The following CHL1 variants were observed in gnomAD, a reference collection of about 807,000 sequenced individuals.
The protein encoded by CHL1 is neural cell adhesion molecule L1-like protein.
In CHL1, 96 loss-of-function variants were observed where a neutral mutation model predicts 141.9. That is an observed-to-expected ratio of 0.68 (90% CI 0.57 to 0.80). The LOEUF is 0.80. Among genes scored for constraint, CHL1 ranks in the 30% least tolerant of loss-of-function variants. The pLI, the probability that CHL1 is intolerant of heterozygous loss-of-function variation, is 0.00. For missense variants in CHL1, 1,820 were observed against 1,457.2 expected (o/e 1.25, Z -4.05); for synonymous variants, 613 against 502.2 (o/e 1.22, Z -2.95).
At chr3:298,072 C>G (rs146587366) in intron 2 of CHL1, among the ~76,000 whole-genome samples, 177 of 152,248 alleles carry the variant, frequency 1.2e-3, no homozygotes, top group African/African-American at 4.1e-3. Context: ...GTATATACAA[C>G]CAGTCTTTTC....
At chr3:287,421 C>G (rs1418056243) in intron 2 of CHL1, among the ~76,000 whole-genome samples, 3 of 152,152 alleles carry the variant, frequency 2.0e-5, no homozygotes, top group Non-Finnish European at 4.4e-5. Flanking sequence ...ATTGTCTTTT[C>G]ACCTGCTCTT....
At chr3:221,003 C>G (rs573211571) in intron 1 of CHL1, among the ~76,000 whole-genome samples, 61 of 152,198 alleles carry the variant, frequency 4.0e-4, no homozygotes, top group Non-Finnish European at 7.6e-4. Flanking sequence ...AAGACACTCC[C>G]TTCTATCGAT....
At chr3:278,219 G>T (rs9310787) in intron 2 of CHL1, among the ~76,000 whole-genome samples, 20 of 152,344 alleles carry the variant, frequency 1.3e-4, no homozygotes, top group African/African-American at 4.8e-4. Context: ...TTTGCTTGCT[G>T]TCTGTGTATT....
chr3:205,925 T>A (rs1207422823), intron 1 of CHL1, among the ~76,000 whole-genome samples: 2 of 152,204 alleles, frequency 1.3e-5, no homozygotes, highest in Non-Finnish European at 2.9e-5. Flanking sequence ...ACACAATATG[T>A]CTTGCAGTAC....
chr3:198,274 G>C (rs1575584524), intron 1 of CHL1, among the ~76,000 whole-genome samples: 1 of 152,142 alleles, frequency 6.6e-6, no homozygotes, highest in African/African-American at 2.4e-5. Flanking sequence ...GGGCGCCGGC[G>C]TCCAGTCCCG....
At chr3:302,304 C>T (rs1698824972) in intron 2 of CHL1, among the ~76,000 whole-genome samples, 1 of 152,150 alleles carries the variant, frequency 6.6e-6, no homozygotes, top group African/African-American at 2.4e-5. Flanking sequence ...AGTTCTGCAT[C>T]CTTAAGGAAT....
At chr3:312,235 C>T (rs41408847) in intron 2 of CHL1, among the ~76,000 whole-genome samples, 14,166 of 152,168 alleles carry the variant, frequency 0.093, 951 homozygotes, top group East Asian at 0.33. Context: ...ATAATAACAT[C>T]GACATTCCTT....
Position 398,377 on chromosome 3 carries a change from G to A in CHL1, c.3245G>A (p.Arg1082Lys). 6.3e-7 allele frequency: 1 copy of A among 1,596,408 alleles called. No individual in the cohort carries two copies. The highest frequency in any genetic ancestry group is 1.3e-5 in the African/African-American group (1 of 74,690). The change falls in exon 25 of 28, where the codon AGA becomes AAA. Residue 1082 changes from arginine to lysine, a missense_variant. Arg to Lys is a conservative substitution (Grantham distance 26). Transcript: ENST00000256509. Reference sequence around the variant, plus strand: ...ATTTTTCAAGATGTAATTGAGACAAGAGGGAGAGGTGAGAAATGAGATTAT... The same window carrying A: ...ATTTTTCAAGATGTAATTGAGACAAAAGGGAGAGGTGAGAAATGAGATTAT... ...DSIFQDVIET[R>K]GREYAGLYDD...
intron 2 of CHL1, among the ~76,000 whole-genome samples, chr3:258,462 C>T (rs572923736): frequency 2.0e-5 from 3 of 152,318 alleles, no homozygotes; most frequent in African/African-American, 7.2e-5. Context: ...ATCTCTCTCT[C>T]AAGAATTTTC....
chr3:345,493 T>A (rs1313697948), intron 9 of CHL1, among the ~76,000 whole-genome samples: 2 of 151,178 alleles, frequency 1.3e-5, no homozygotes, highest in Non-Finnish European at 2.9e-5. Flanking sequence ...TTCATTTATT[T>A]ATTTTTTTGA....
intron 2 of CHL1, among the ~76,000 whole-genome samples, chr3:295,149 C>T (rs1460571170): frequency 6.6e-6 from 1 of 152,110 alleles, no homozygotes; most frequent in African/African-American, 2.4e-5. Flanking sequence ...GCACAATCTG[C>T]CTCCCAATCC....
At chr3:210,447 C>A (rs997676613) in intron 1 of CHL1, among the ~76,000 whole-genome samples, 6 of 152,170 alleles carry the variant, frequency 3.9e-5, no homozygotes, top group Non-Finnish European at 5.9e-5. Context: ...GCTTCCCTCA[C>A]ATGACCCATG....
At chr3:252,777 T>C (rs1693823018) in intron 2 of CHL1, among the ~76,000 whole-genome samples, 1 of 152,086 alleles carries the variant, frequency 6.6e-6, no homozygotes, top group African/African-American at 2.4e-5. Context: ...CAATGGTATT[T>C]TATTTTCATT....
Position 354,631 on chromosome 3 carries a change from T to C in CHL1, c.1034-9T>C, listed in dbSNP as rs1261417374. On this transcript the variant is annotated splice_polypyrimidine_tract_variant and intron_variant, in intron 10 of 27. Coordinates refer to ENST00000256509, the MANE Select transcript of CHL1 (RefSeq NM_006614.4). ...AACATCTCTCATGAGCTCTTCACTT[T>C]ACATCCAGAGCCTCCTCGCTGGACA... 4 of 1,607,772 alleles carry C rather than the reference T, an allele frequency of 2.5e-6. No homozygotes were observed. Among genetic ancestry groups the C allele is most frequent in the African/African-American group, 1.3e-5 (1 of 74,604 alleles).
At chr3:357,659 G>A (rs569897074) in intron 11 of CHL1, among the ~76,000 whole-genome samples, 2 of 152,318 alleles carry the variant, frequency 1.3e-5, no homozygotes, top group African/African-American at 2.4e-5. Context: ...GGACTAGTGT[G>A]TTTTATAAAG....
chr3:298,850 T>C (rs1207277309), intron 2 of CHL1, among the ~76,000 whole-genome samples: 1 of 152,210 alleles, frequency 6.6e-6, no homozygotes, highest in Non-Finnish European at 1.5e-5. Flanking sequence ...CCATATAAGA[T>C]GATGAACACA....
At chr3:232,504 T>A (rs1190754769) in intron 1 of CHL1, among the ~76,000 whole-genome samples, 3 of 152,106 alleles carry the variant, frequency 2.0e-5, no homozygotes, top group Non-Finnish European at 4.4e-5. Context: ...TTTGTAACAG[T>A]TTTAGGTTTT....
chr3:385,858 G>A (rs1404236138), intron 19 of CHL1: 1 of 145,848 alleles, frequency 6.9e-6, no homozygotes, highest in Non-Finnish European at 1.5e-5. Flanking sequence ...ATTTAAAATT[G>A]GTCTTTGAGG....
intron 5 of CHL1, among the ~76,000 whole-genome samples, chr3:340,559 C>T (rs552339551): frequency 6.6e-6 from 1 of 152,104 alleles, no homozygotes; most frequent in African/African-American, 2.4e-5. Flanking sequence ...TGTCGCATAA[C>T]AAAAACATTA....
Sources: gnomAD v4.1 joint callset for allele counts (sites outside exome capture counted in the v4.1 genomes callset) on GRCh38, gnomAD v4.1.1 for gene constraint, MANE v1.5 for transcripts, NCBI Gene and HGNC (gene_info 2026-07-23, HGNC 2026-07-21) for gene names.